The following MAP6 variants were observed in gnomAD, a reference collection of about 807,000 sequenced individuals.
MAP6 encodes the protein microtubule associated protein 6.
Under a neutral mutation model 42.4 loss-of-function variants are expected in MAP6, and 26 were observed. That is an observed-to-expected ratio of 0.61 (90% confidence interval 0.45 to 0.85). MAP6 has a LOEUF of 0.85. MAP6 is among the 40% of genes least tolerant of loss of function. The pLI is 0.00. For missense variants in MAP6, 966 were observed against 1,099.0 expected, an observed-to-expected ratio of 0.88 and a Z score of 1.71; for synonymous variants, 418 against 443.8, an observed-to-expected ratio of 0.94 and a Z score of 0.73.
chr11:75,643,316 A>G (rs938154864), intron 1 of MAP6, among the ~76,000 whole-genome samples: 1 of 151,924 alleles, frequency 6.6e-6, no homozygotes. Context: ...TTTGTGTTTT[A>G]TAGCAACCCA....
chr11:75,601,282 C>A (rs2135580687), intron 3 of MAP6, among the ~76,000 whole-genome samples: 1 of 152,316 alleles, frequency 6.6e-6, no homozygotes, highest in East Asian at 1.9e-4. Context: ...GCTATTTCTA[C>A]CTCTCTACTT....
intron 1 of MAP6, among the ~76,000 whole-genome samples, chr11:75,656,322 C>T (rs1043606835): frequency 2.6e-5 from 4 of 152,196 alleles, no homozygotes; most frequent in African/African-American, 9.7e-5. Flanking sequence ...AAAGAGGTTA[C>T]ACCAGGCCTA....
intron 1 of MAP6, among the ~76,000 whole-genome samples, chr11:75,662,939 G>C (rs540161084): frequency 6.6e-6 from 1 of 150,934 alleles, no homozygotes; most frequent in Non-Finnish European, 1.5e-5. Flanking sequence ...TTTACTTCTA[G>C]TGCTAACCTG....
At position 75,668,032 on chromosome 11, in the gene MAP6, G is replaced by A. The variant is rs1314118099; in HGVS notation, c.338C>T (p.Thr113Ile). 31 of 1,231,720 alleles carry A rather than the reference G, an allele frequency of 2.5e-5. No individual in the cohort carries two copies. The highest frequency in any genetic ancestry group is 3.1e-5 in the Non-Finnish European group (31 of 987,732). The allele number at this position is 1,231,720 out of a possible 1,614,324, so 76.3% of individuals were successfully genotyped here. The change falls in exon 1 of 4, where the codon ACC (threonine) becomes ATC (isoleucine). Residue 113 changes from threonine to isoleucine, a missense_variant. This residue lies in a region of MAP6 where 943 missense variants were observed against 1,049.9 expected (regional missense o/e 0.90). Transcript: ENST00000304771. ...CATCACCGAGTCCGCGGGGCCGGAG[G>A]TGGAGCCGGAGCCCAGGCCCGGGCC... ...GPGPGLGSGS[T>I]SGPADSVMRQ...
intron 1 of MAP6, among the ~76,000 whole-genome samples, chr11:75,657,354 G>A (rs932686383): frequency 7.2e-5 from 11 of 152,076 alleles, no homozygotes; most frequent in Middle Eastern, 6.3e-3. Context: ...CTCGTGATCC[G>A]CCCGCCTTGG....
intron 1 of MAP6, among the ~76,000 whole-genome samples, chr11:75,656,025 T>C (rs958683022): frequency 2.0e-5 from 3 of 152,238 alleles, no homozygotes; most frequent in Admixed American, 6.5e-5. Context: ...AGCCTGAAAC[T>C]CAATTATGTC....
chr11:75,592,726 C>A (rs1032463221), intron 3 of MAP6, among the ~76,000 whole-genome samples: 1 of 152,212 alleles, frequency 6.6e-6, no homozygotes, highest in Non-Finnish European at 1.5e-5. Context: ...CCTATCTTGT[C>A]CCTTCTTTGC....
At chr11:75,652,612 TG>T (rs1283497304) in intron 1 of MAP6, among the ~76,000 whole-genome samples, 1 of 151,870 alleles carries the variant, frequency 6.6e-6, no homozygotes, top group African/African-American at 2.4e-5. Context: ...CCGAGGTGGG[TG>T]GATCACCTGA....
chr11:75,607,476 GAGGA>G, intron 2 of MAP6: 2 of 985,432 alleles, frequency 2.0e-6, no homozygotes, highest in Non-Finnish European at 1.2e-6. Context: ...ATGTAAGGTG[GAGGA>G]ATGTTACCTT....
chr11:75,603,886 AT>A (rs1344172063), intron 3 of MAP6: 1 of 985,360 alleles, frequency 1.0e-6, no homozygotes, highest in Admixed American at 6.1e-5. Context: ...TAGCATCAAC[AT>A]GTCTGACTAA....
At chr11:75,607,779 A>G (rs1942807279) in intron 2 of MAP6, 1 of 557,894 alleles carries the variant, frequency 1.8e-6, no homozygotes, top group African/African-American at 2.1e-5. Flanking sequence ...AAGCACATCT[A>G]TTTTAAGACA....
intron 1 of MAP6, among the ~76,000 whole-genome samples, chr11:75,639,163 C>T (rs1009618286): frequency 1.6e-4 from 25 of 152,080 alleles, no homozygotes; most frequent in African/African-American, 5.5e-4. Flanking sequence ...GGGTGGGAGG[C>T]GGGTAAAGGA....
At chr11:75,607,103 A>T (rs1351519140) in intron 2 of MAP6, 4 of 454,348 alleles carry the variant, frequency 8.8e-6, no homozygotes, top group Non-Finnish European at 1.2e-5. Context: ...ACCTGTAAGG[A>T]AAGGAACCAA....
intron 3 of MAP6, among the ~76,000 whole-genome samples, chr11:75,601,695 CCA>C (rs1565255852): frequency 6.6e-6 from 1 of 151,868 alleles, no homozygotes; most frequent in Admixed American, 6.6e-5. Flanking sequence ...AATGGAGATC[CCA>C]GTTAGCAACC....
intron 1 of MAP6, among the ~76,000 whole-genome samples, chr11:75,639,364 GT>G (rs1386069768): frequency 6.6e-6 from 1 of 152,126 alleles, no homozygotes; most frequent in Non-Finnish European, 1.5e-5. Context: ...TGTTGGAAGT[GT>G]TTTTTTCTTT....
Position 75,605,688 on chromosome 11 carries a change from A to G in MAP6, c.1316+120T>C, listed in dbSNP as rs1942750149. 5.3e-6 allele frequency: 8 copies of G among 1,503,326 alleles called. No homozygotes were observed. The South Asian group carries it at 9.6e-5, about 18-fold the overall frequency. 93.1% of individuals were successfully genotyped at this position (1,503,326 alleles called of 1,614,324 possible). A position where few individuals can be genotyped will look rare whatever the true frequency, so the allele number is the denominator to read the frequency against. ...AAGAGCTCCTGGAACACTCAGGACC[A>G]AGGCAGATGAGAAGCCTCTAATTAA... On this transcript the variant is annotated intron_variant, in intron 3 of 3. Transcript: ENST00000304771.
intron 1 of MAP6, among the ~76,000 whole-genome samples, chr11:75,616,494 G>C (rs1263547583): frequency 6.6e-6 from 1 of 152,224 alleles, no homozygotes; most frequent in Non-Finnish European, 1.5e-5. Context: ...TTCTGAAGAA[G>C]GGAAACCATC....
Position 75,631,099 on chromosome 11 carries a change from T to C in MAP6, c.906-22777A>G, listed in dbSNP as rs1163917786. Among the ~76,000 whole-genome samples the C allele has an allele frequency of 2.0e-4, 30 of 152,220 alleles. 1 individual carries two copies. On this transcript the variant is annotated intron_variant, in intron 1 of 3. Coordinates refer to ENST00000304771, the MANE Select transcript of MAP6 (RefSeq NM_033063.2). ...GCACACCACTTGGCTCAAGGTGGCATGCTGTGGGTGCCAATGTGACTGGTT... is the reference window on the plus strand; with the variant it reads ...GCACACCACTTGGCTCAAGGTGGCACGCTGTGGGTGCCAATGTGACTGGTT...
At chr11:75,617,579 C>A (rs991368450) in intron 1 of MAP6, among the ~76,000 whole-genome samples, 65 of 139,394 alleles carry the variant, frequency 4.7e-4, no homozygotes, top group Non-Finnish European at 8.3e-4. Flanking sequence ...TGATTCTACA[C>A]AAATTAATTT....
Sources: gnomAD v4.1 joint callset for allele counts (sites outside exome capture counted in the v4.1 genomes callset) on GRCh38, gnomAD v4.1.1 for gene constraint, gnomAD v4.1.1 regional missense constraint, MANE v1.5 for transcripts, NCBI Gene and HGNC (gene_info 2026-07-23, HGNC 2026-07-21) for gene names.